The following KAT14 variants were observed in gnomAD, a reference collection of about 807,000 sequenced individuals.
KAT14 encodes the protein lysine acetyltransferase 14, also known as cysteine-rich protein 2-binding protein.
Under a neutral mutation model 78.4 loss-of-function variants are expected in KAT14, and 66 were observed. That is an observed-to-expected ratio of 0.84 (90% confidence interval 0.69 to 1.03). KAT14 has a LOEUF of 1.03. Among genes scored for constraint, KAT14 ranks in the 50% least tolerant of loss-of-function variants. The probability of loss-of-function intolerance (pLI) is 0.00; values close to 1 mark genes in which losing one functional copy is unlikely to be tolerated. For missense variants in KAT14, 870 were observed against 972.5 expected (o/e 0.89, Z 1.40); for synonymous variants, 344 against 359.4 (o/e 0.96, Z 0.48).
At chr20:18,170,449 G>A (rs948260765) in intron 7 of KAT14, among the ~76,000 whole-genome samples, 2 of 152,222 alleles carry the variant, frequency 1.3e-5, no homozygotes, top group Admixed American at 6.5e-5. Context: ...AAATATAGCA[G>A]CAAAGCTTGG....
At chr20:18,146,503 T>C (rs2037830816) in intron 3 of KAT14, among the ~76,000 whole-genome samples, 1 of 151,938 alleles carries the variant, frequency 6.6e-6, no homozygotes, top group East Asian at 1.9e-4. Context: ...CTACTAAAAA[T>C]ACAAAATTAG....
intron 7 of KAT14, among the ~76,000 whole-genome samples, chr20:18,175,569 T>A (rs1358683625): frequency 6.6e-6 from 1 of 152,116 alleles, no homozygotes; most frequent in African/African-American, 2.4e-5. Context: ...ATCTCTCAGA[T>A]GGGCTTGGAA....
chr20:18,184,029 T>C (rs549272398), intron 9 of KAT14, among the ~76,000 whole-genome samples: 2 of 152,350 alleles, frequency 1.3e-5, no homozygotes, highest in East Asian at 3.9e-4. Context: ...TTGGGAGTCA[T>C]ACTGAGCCAA....
chr20:18,146,038 C>T (rs970548484), intron 3 of KAT14, among the ~76,000 whole-genome samples: 4 of 152,170 alleles, frequency 2.6e-5, no homozygotes, highest in Admixed American at 2.0e-4. Flanking sequence ...CATTTGAACT[C>T]GGAGATGTTT....
chr20:18,141,047 AT>A (rs59461611), intron 1 of KAT14, among the ~76,000 whole-genome samples: 3 of 92,842 alleles, frequency 3.2e-5, no homozygotes, highest in Admixed American at 1.4e-4. Flanking sequence ...TTTTTTTTTT[AT>A]TTTTATTTTT....
At chr20:18,146,703 G>A (rs1209245945) in intron 3 of KAT14, among the ~76,000 whole-genome samples, 1 of 151,978 alleles carries the variant, frequency 6.6e-6, no homozygotes, top group African/African-American at 2.4e-5. Flanking sequence ...TTAGCTGAAT[G>A]TGGTGGTGGT....
chr20:18,186,322 T>G (rs1207835748), intron 10 of KAT14, among the ~76,000 whole-genome samples: 1 of 152,234 alleles, frequency 6.6e-6, no homozygotes, highest in African/African-American at 2.4e-5. Flanking sequence ...CACGTATATT[T>G]GCAATCTAGC....
At position 18,162,658 on chromosome 20, in the gene KAT14, C is replaced by A. The variant is rs764708112; in HGVS notation, c.1381C>A (p.Pro461Thr). The A allele has an allele frequency of 1.2e-6, 2 of 1,614,188 alleles. No individual in the cohort carries two copies. The highest frequency in any genetic ancestry group is 1.7e-6 in the Non-Finnish European group (2 of 1,180,036). ...DTKPKEPRYT[P>T]VSIYEEKLLL... is the part of the protein sequence containing the mutation. Reference sequence around the variant, plus strand: ...AAAGCCGAAAGAGCCCAGGTATACTCCCGTGAGCATCTACGAGGAAAAGCT... The same window carrying A: ...AAAGCCGAAAGAGCCCAGGTATACTACCGTGAGCATCTACGAGGAAAAGCT... The change falls in exon 7 of 11, where the codon CCC (proline) becomes ACC (threonine). Residue 461 changes from proline (P) to threonine (T), a missense_variant. Pro to Thr is a conservative substitution (Grantham distance 38). Transcript: ENST00000688188.
At chr20:18,168,988 CT>C (rs987831693) in intron 7 of KAT14, among the ~76,000 whole-genome samples, 2 of 151,708 alleles carry the variant, frequency 1.3e-5, no homozygotes, top group African/African-American at 4.8e-5. Context: ...CTGTTTTGTT[CT>C]TTTTTTTCAT....
rs766139037 is a variant in KAT14, at chr20:18,181,742, C to G, written c.1701C>G (p.His567Gln). 6.2e-7 allele frequency: 1 copy of G among 1,614,170 alleles called. No individual in the cohort carries two copies. ...TSLPSRKGFR[H>Q]QTTKFLYRLV... ...TGCCGTCCAGGAAGGGATTTCGACA[C>G]CAGACCACCAAGTTTTTGTATCGCT... The change falls in exon 8 of 11, where the codon CAC becomes CAG. Residue 567 changes from histidine (H) to glutamine (Q), a missense_variant. Physicochemically the swap from His to Gln is conservative, Grantham distance 24 (BLOSUM62 0). Coordinates refer to ENST00000688188, the MANE Select transcript of KAT14 (RefSeq NM_001392073.1).
intron 7 of KAT14, among the ~76,000 whole-genome samples, chr20:18,166,877 G>T (rs1426726585): frequency 1.3e-5 from 2 of 152,252 alleles, no homozygotes; most frequent in Non-Finnish European, 2.9e-5. Context: ...CAGCCACATT[G>T]TCTAGGTGAG....
At chr20:18,177,031 G>C (rs2039075539) in intron 7 of KAT14, among the ~76,000 whole-genome samples, 1 of 152,182 alleles carries the variant, frequency 6.6e-6, no homozygotes, top group Non-Finnish European at 1.5e-5. Flanking sequence ...GATAATGAGA[G>C]TATTCTGTGC....
chr20:18,150,124 G>C (rs967382903), intron 3 of KAT14, among the ~76,000 whole-genome samples: 12 of 152,142 alleles, frequency 7.9e-5, no homozygotes, highest in Non-Finnish European at 1.6e-4. Flanking sequence ...GAGTAGATTA[G>C]ATTAGGAGTT....
intron 8 of KAT14, among the ~76,000 whole-genome samples, chr20:18,182,072 AAT>A (rs1446002621): frequency 1.3e-5 from 2 of 152,140 alleles, no homozygotes; most frequent in African/African-American, 4.8e-5. Context: ...AGCAAAAATA[AAT>A]TAACTGAAAG....
At chr20:18,169,714 C>A (rs2038781087) in intron 7 of KAT14, among the ~76,000 whole-genome samples, 1 of 152,162 alleles carries the variant, frequency 6.6e-6, no homozygotes, top group Admixed American at 6.6e-5. Context: ...ACTTCTCTCA[C>A]TTTAAATAAA....
intron 9 of KAT14, chr20:18,183,508 C>G (rs1232181211): frequency 2.0e-6 from 2 of 984,778 alleles, no homozygotes; most frequent in Non-Finnish European, 2.4e-6. Flanking sequence ...TTGTTTGTTT[C>G]TCTTCCCTGT....
At chr20:18,163,973 C>T (rs895376276) in intron 7 of KAT14, among the ~76,000 whole-genome samples, 11 of 152,160 alleles carry the variant, frequency 7.2e-5, no homozygotes, top group Non-Finnish European at 1.5e-4. Context: ...TTAGGCTTTG[C>T]CGGCCACAAA....
intron 2 of KAT14, among the ~76,000 whole-genome samples, chr20:18,143,644 T>TTTG (rs2037690910): frequency 1.3e-5 from 2 of 148,718 alleles, no homozygotes. Context: ...TTTTTTTTTT[T>TTTG]GAGACGGAGT....
Position 18,187,309 on chromosome 20 carries a change from C to G in KAT14, c.2196C>G (p.Thr732=), listed in dbSNP as rs41276420. 2 of 1,612,432 alleles carry G rather than the reference C, an allele frequency of 1.2e-6. No individual in the cohort carries two copies. Among genetic ancestry groups the G allele is most frequent in the East Asian group, 4.5e-5 (2 of 44,772 alleles). ...LIQTCMGKDV[T]LHVSASNPAM... ...AGACCTGCATGGGCAAGGACGTAACCCTTCACGTCTCAGCAAGCAACCCCG... is the reference window on the plus strand; with the variant it reads ...AGACCTGCATGGGCAAGGACGTAACGCTTCACGTCTCAGCAAGCAACCCCG... Residue 732 remains threonine, a synonymous_variant, in exon 11 of 11, where the codon ACC becomes ACG. Transcript: ENST00000688188.
Sources: gnomAD v4.1 joint callset for allele counts (sites outside exome capture counted in the v4.1 genomes callset) on GRCh38, gnomAD v4.1.1 for gene constraint, MANE v1.5 for transcripts, NCBI Gene and HGNC (gene_info 2026-07-23, HGNC 2026-07-21) for gene names.